The following POLR1E variants were observed in gnomAD, a reference collection of about 807,000 sequenced individuals.
POLR1E encodes the protein DNA-directed RNA polymerase I subunit RPA49.
A neutral mutation model predicts 50.9 loss-of-function variants in POLR1E; 37 were observed. The ratio of observed to expected loss-of-function variants is 0.73; its 90% CI spans 0.56 to 0.96. POLR1E has a LOEUF of 0.96. Ranked by LOEUF, POLR1E falls within the 40% of genes least tolerant of loss-of-function variation. The probability of loss-of-function intolerance (pLI) is 0.00; values close to 1 mark genes in which losing one functional copy is unlikely to be tolerated. For synonymous variants in POLR1E, 166 were observed against 191.6 expected (o/e 0.87, Z 1.10); for missense variants, 426 against 518.1 (o/e 0.82, Z 1.73).
chr9:37,497,293 T>C (rs1268219721), intron 8 of POLR1E, among the ~76,000 whole-genome samples: 3 of 152,206 alleles, frequency 2.0e-5, no homozygotes, highest in African/African-American at 7.2e-5. Flanking sequence ...AAGCGGAGGT[T>C]GCGGTGAGCC....
In POLR1E at chr9:37,501,786, C is replaced by T. The variant is rs1267906304; in HGVS notation, c.1042C>T (p.His348Tyr). The T allele has an allele frequency of 6.2e-7, 1 of 1,614,026 alleles. No individual in the cohort carries two copies. The highest frequency in any genetic ancestry group is 8.5e-7 in the Non-Finnish European group (1 of 1,179,924). ...TGTGATCATACTTGCCTTGCACATA[C>T]ATGACTTCCAAATTGACCTGACAGT... ...AYVIILALHI[H>Y]DFQIDLTVLQ... Residue 348 changes from histidine to tyrosine, a missense_variant, in exon 11 of 12, where the codon CAT becomes TAT. His to Tyr is a moderately conservative substitution (Grantham distance 83, BLOSUM62 2). Transcript: ENST00000377798.
At chr9:37,496,350 G>A (rs1564324731) in intron 8 of POLR1E, among the ~76,000 whole-genome samples, 1 of 152,118 alleles carries the variant, frequency 6.6e-6, no homozygotes, top group Non-Finnish European at 1.5e-5. Flanking sequence ...TGGTTTCTCT[G>A]TGATGATATG....
intron 11 of POLR1E, 149 bp from the exon 12 acceptor site, chr9:37,502,894 C>T (rs1468846247): frequency 2.5e-6 from 2 of 793,730 alleles, no homozygotes; most frequent in Non-Finnish European, 3.9e-6. Flanking sequence ...CCTTGCCTGC[C>T]TCTCTGCCAG....
chr9:37,495,010 T>C (rs1415441090), intron 6 of POLR1E, among the ~76,000 whole-genome samples, 159 bp from the exon 7 acceptor site: 1 of 152,208 alleles, frequency 6.6e-6, no homozygotes. Flanking sequence ...ATGGCAGTCC[T>C]GAAGCAGTCA....
At chr9:37,493,434 C>T (rs1820720032) in intron 5 of POLR1E, 125 bp from the exon 6 acceptor site, 1 of 765,408 alleles carries the variant, frequency 1.3e-6, no homozygotes, top group African/African-American at 1.8e-5. Context: ...AGGTGCGATT[C>T]AGCCTTATTC....
chr9:37,495,898 C>G lies in POLR1E; in HGVS notation c.664C>G (p.Pro222Ala). Residue 222 changes from proline to alanine, a missense_variant, in exon 8 of 12, where the codon CCT becomes GCT. Pro to Ala is a conservative substitution (Grantham distance 27). Transcript: ENST00000377798. ...TCTTGACCTGTAACTAGTTCTTTCCCCTGCGGAGTATGAAGCTCTTCAGAG... is the reference window on the plus strand; with the variant it reads ...TCTTGACCTGTAACTAGTTCTTTCCGCTGCGGAGTATGAAGCTCTTCAGAG... ...DVYKFEDLLS[P>A]AEYEALQSPS... The G allele has an allele frequency of 6.2e-7, 1 of 1,612,400 alleles. No homozygotes were observed. The highest frequency in any genetic ancestry group is 8.5e-7 in the Non-Finnish European group (1 of 1,178,554).
At chr9:37,502,987 C>T in intron 11 of POLR1E, 56 bp from the exon 12 acceptor site, 1 of 1,527,492 alleles carries the variant, frequency 6.5e-7, no homozygotes, top group Non-Finnish European at 8.8e-7. Context: ...TGCCAAACCT[C>T]CCTGAACAGT....
At chr9:37,492,085 G>GTT (rs553505657) in intron 4 of POLR1E, among the ~76,000 whole-genome samples, 3,046 of 145,738 alleles carry the variant, frequency 0.021, 96 homozygotes, top group African/African-American at 0.07. Flanking sequence ...AAGTACTGTT[G>GTT]TTCTTTTTTT....
Position 37,493,668 on chromosome 9 carries a change from C to T in POLR1E, c.512C>T (p.Ala171Val). 6.3e-7 allele frequency: 1 copy of T among 1,598,272 alleles called. No individual in the cohort carries two copies. The highest frequency in any genetic ancestry group is 8.5e-7 in the Non-Finnish European group (1 of 1,171,272). ...TCTTTGAATCGTGCAGTGGCTAAAGCTGCAGAGACTATCATTGATACGAAG... is the reference window on the plus strand; with the variant it reads ...TCTTTGAATCGTGCAGTGGCTAAAGTTGCAGAGACTATCATTGATACGAAG... ...NESLNRAVAKAAETIIDTKGV... is the reference protein window; with the variant it reads ...NESLNRAVAKVAETIIDTKGV... Residue 171 changes from alanine (A) to valine (V), a missense_variant, in exon 6 of 12, where the codon GCT (alanine) becomes GTT (valine). Coordinates refer to ENST00000377798, the MANE Select transcript of POLR1E (RefSeq NM_022490.4).
Position 37,495,060 on chromosome 9 carries a change from A to C in POLR1E, c.548-109A>C, listed in dbSNP as rs1029798170. On this transcript the variant is annotated intron_variant, in intron 6 of 11. Transcript: ENST00000377798. ...CGAGGTCACTTTGGCAGAAGCATTTAGACTTGGGGTTTCTGGACCATTGGT... is the reference window on the plus strand; with the variant it reads ...CGAGGTCACTTTGGCAGAAGCATTTCGACTTGGGGTTTCTGGACCATTGGT... 7.7e-6 allele frequency: 7 copies of C among 903,374 alleles called. No homozygotes were observed. In the African/African-American group the frequency reaches 1.2e-4, roughly 15 times the overall value. 56.0% of individuals were successfully genotyped at this position (903,374 alleles called of 1,614,324 possible).
chr9:37,503,375 G>A lies in POLR1E; in HGVS notation c.*173G>A. On this transcript the variant is annotated 3_prime_UTR_variant, in exon 12 of 12. Transcript: ENST00000377798. ...GGAAGATCATTGAGCTCAGGAGTTT[G>A]AAACCAGTCTGGACAACATAGGGAG... The A allele has an allele frequency of 2.7e-6, 2 of 737,124 alleles. No homozygotes were observed. Among genetic ancestry groups the A allele is most frequent in the Non-Finnish European group, 4.1e-6 (2 of 490,342 alleles). The allele number at this position is 737,124 out of a possible 1,614,324, so 45.7% of individuals were successfully genotyped here. A position where few individuals can be genotyped will look rare whatever the true frequency, so the allele number is the denominator to read the frequency against.
rs1351886824 is a variant in POLR1E at position 37,501,857 on chromosome 9, G to A, written c.1100+13G>A. ...TCAGTGAGAAAAGGTGAGCACAACAGAATAAAGAGCTCCCTGCAGGGTGTC... is the reference window on the plus strand; with the variant it reads ...TCAGTGAGAAAAGGTGAGCACAACAAAATAAAGAGCTCCCTGCAGGGTGTC... On this transcript the variant is annotated intron_variant, in intron 11 of 11. Transcript: ENST00000377798. 1.1e-5 allele frequency: 17 copies of A among 1,608,946 alleles called. No individual in the cohort carries two copies. The highest frequency in any genetic ancestry group is 1.4e-5 in the Non-Finnish European group (17 of 1,178,702).
In POLR1E at chr9:37,503,330, C is replaced by A; in HGVS notation, c.*128C>A. ...TGGTGGCTCACACCTGAAATCCCAG[C>A]ACTTTGGGAGGCCGAGGCAGGAAGA... On this transcript the variant is annotated 3_prime_UTR_variant, in exon 12 of 12. Transcript: ENST00000377798. 8.3e-7 allele frequency: 1 copy of A among 1,203,450 alleles called. No homozygotes were observed. The highest frequency in any genetic ancestry group is 1.1e-6 in the Non-Finnish European group (1 of 895,368). 74.5% of individuals were successfully genotyped at this position (1,203,450 alleles called of 1,614,324 possible).
At chr9:37,490,369 A>G (rs1205219276) in intron 4 of POLR1E, 1 of 626,456 alleles carries the variant, frequency 1.6e-6, no homozygotes, top group South Asian at 1.7e-5. Flanking sequence ...CTTCTACTCA[A>G]TGAAGAGAAA....
intron 1 of POLR1E, 174 bp from the exon 2 acceptor site, chr9:37,486,529 C>A: frequency 1.9e-6 from 3 of 1,565,632 alleles, no homozygotes; most frequent in Non-Finnish European, 2.6e-6. Context: ...CTCCCTACCT[C>A]CTCTTCTCAG....
chr9:37,492,878 T>G (rs1564323594), intron 5 of POLR1E, among the ~76,000 whole-genome samples, 163 bp downstream of exon 5: 1 of 152,212 alleles, frequency 6.6e-6, no homozygotes, highest in Non-Finnish European at 1.5e-5. Context: ...TGCAGAAGCC[T>G]CCTTGGTCCC....
At chr9:37,489,251 A>G (rs1820635044) in intron 3 of POLR1E, 64 bp from the exon 4 acceptor site, 14 of 1,297,342 alleles carry the variant, frequency 1.1e-5, no homozygotes, top group South Asian at 1.3e-5. Context: ...AAAAAAAAAG[A>G]AAGCTGTACA....
chr9:37,491,638 A>G (rs976366077), intron 4 of POLR1E, among the ~76,000 whole-genome samples: 2 of 151,786 alleles, frequency 1.3e-5, no homozygotes, highest in Admixed American at 6.6e-5. Flanking sequence ...TAATTTTTGT[A>G]TTTTTAGTAG....
chr9:37,492,180 T>C, intron 4 of POLR1E: 1 of 1,061,554 alleles, frequency 9.4e-7, no homozygotes, highest in African/African-American at 1.6e-5. Context: ...CCAGAGCTTG[T>C]ACTGTTGTGT....
Sources: gnomAD v4.1 joint callset for allele counts (sites outside exome capture counted in the v4.1 genomes callset) on GRCh38, gnomAD v4.1.1 for gene constraint, MANE v1.5 for transcripts, NCBI Gene and HGNC (gene_info 2026-07-23, HGNC 2026-07-21) for gene names.